RORA: variants seen among roughly 807,000 people sequenced by gnomAD.
RORA encodes the protein nuclear receptor ROR-alpha.
RORA carries 7 observed loss-of-function variants against 69.5 expected under a neutral mutation model. The observed-to-expected ratio is 0.10, with a 90% CI of 0.06 to 0.19. The LOEUF (loss-of-function observed/expected upper bound fraction) is 0.19. Ranked by LOEUF, RORA falls within the 10% of genes least tolerant of loss-of-function variation. The pLI is 1.00. For missense variants in RORA, 457 were observed against 663.0 expected (o/e 0.69, Z 3.41); for synonymous variants, 261 against 240.8 (o/e 1.08, Z -0.78).
intron 1 of RORA, among the ~76,000 whole-genome samples, chr15:60,819,767 A>ACACACACACACGCG (rs1555455764): frequency 0.091 from 13,436 of 147,562 alleles, 974 homozygotes; most frequent in Non-Finnish European, 0.14. Flanking sequence ...ACACACACAC[A>ACACACACACACGCG]CACACACACA....
intron 1 of RORA, among the ~76,000 whole-genome samples, chr15:61,107,935 T>C (rs1013496941): frequency 3.3e-5 from 5 of 152,094 alleles, no homozygotes; most frequent in African/African-American, 9.7e-5. Flanking sequence ...AAGTAGAAAA[T>C]TTTAATCAGT....
At chr15:60,839,178 G>A (rs142332785) in intron 1 of RORA, among the ~76,000 whole-genome samples, 2,219 of 152,208 alleles carry the variant, frequency 0.015, 70 homozygotes, top group African/African-American at 0.051. Context: ...GATTACAGGC[G>A]TGAGCCACCG....
intron 1 of RORA, among the ~76,000 whole-genome samples, chr15:60,726,708 C>T (rs578224622): frequency 3.3e-5 from 5 of 152,116 alleles, no homozygotes; most frequent in African/African-American, 1.2e-4. Context: ...GGTGGGTATG[C>T]GGGGAGACTA....
intron 1 of RORA, among the ~76,000 whole-genome samples, chr15:61,134,468 G>C (rs1439243256): frequency 6.6e-6 from 1 of 152,166 alleles, no homozygotes; most frequent in Non-Finnish European, 1.5e-5. Context: ...TGCAAGGCAG[G>C]AGCAAAGAAT....
At chr15:61,153,783 A>AGCTCC (rs1406088979) in intron 1 of RORA, among the ~76,000 whole-genome samples, 1 of 33,980 alleles carries the variant, frequency 2.9e-5, no homozygotes, top group African/African-American at 9.0e-5. Context: ...ATTGCTAAGA[A>AGCTCC]CCCTTCAATT....
At chr15:60,623,105 A>G (rs1449695523) in intron 2 of RORA, among the ~76,000 whole-genome samples, 1 of 152,134 alleles carries the variant, frequency 6.6e-6, no homozygotes, top group Admixed American at 6.5e-5. Flanking sequence ...GTCTTGCCTC[A>G]CTTATTCACT....
chr15:60,898,518 A>AATAC (rs1406619729), intron 1 of RORA, among the ~76,000 whole-genome samples: 1 of 148,064 alleles, frequency 6.8e-6, no homozygotes, highest in East Asian at 1.9e-4. Flanking sequence ...TAAATAAATA[A>AATAC]ATAAATAAAT....
intron 1 of RORA, among the ~76,000 whole-genome samples, chr15:60,830,805 A>C (rs1230195649): frequency 1.3e-5 from 2 of 152,238 alleles, no homozygotes; most frequent in Non-Finnish European, 2.9e-5. Flanking sequence ...GATGAGAAAC[A>C]CATGGCAAGT....
intron 2 of RORA, among the ~76,000 whole-genome samples, chr15:60,571,420 CT>C (rs1166169270): frequency 6.6e-6 from 1 of 152,088 alleles, no homozygotes; most frequent in Non-Finnish European, 1.5e-5. Context: ...AGTTTTTTCT[CT>C]TTTCTGTGAA....
intron 1 of RORA, among the ~76,000 whole-genome samples, chr15:60,857,900 C>T (rs1022810928): frequency 3.3e-5 from 5 of 152,140 alleles, no homozygotes; most frequent in African/African-American, 1.2e-4. Context: ...GAAAGTCAGG[C>T]CAAGAGAGGT....
rs578234754 is a variant in RORA, at chr15:60,955,418, T to C, written c.166+273635A>G. On this transcript the variant is annotated intron_variant, in intron 1 of 10. Transcript: ENST00000335670. Reference sequence around the variant, plus strand: ...GAAATATGATAATACATACAAAACATATAGTATATTTCATTATATAGTAAG... The same window carrying C: ...GAAATATGATAATACATACAAAACACATAGTATATTTCATTATATAGTAAG... 1.4e-4 allele frequency among the ~76,000 whole-genome samples: 21 copies of C among 152,338 alleles called. No homozygotes were observed. In the South Asian group the frequency reaches 4.3e-3, roughly 32 times the overall value.
chr15:60,511,765 GAA>G lies in RORA; in HGVS notation c.425-146_425-145del. 1.1e-6 allele frequency: 1 copy of G among 871,830 alleles called. No individual in the cohort carries two copies. The highest frequency in any genetic ancestry group is 1.7e-6 in the Non-Finnish European group (1 of 584,510). The allele number at this position is 871,830 out of a possible 1,614,324, so 54.0% of individuals were successfully genotyped here. On this transcript the variant is annotated intron_variant, in intron 4 of 10. Transcript: ENST00000335670. This position sits in a 1 kb window ranked among gnomAD's most constrained non-coding sequence, Gnocchi z 6.4. ...ACAAAATAAGGACATATTCAGAGGT[GAA>G]AACAGTTCCAACCCACACAGACTCG...
intron 2 of RORA, chr15:60,556,771 T>C: frequency 9.9e-7 from 1 of 1,009,390 alleles, no homozygotes; most frequent in Non-Finnish European, 1.5e-6. Context: ...GGAGGCTCCA[T>C]CTTTGATTCA....
chr15:60,713,575 TTCTCTCCTCC>T (rs1414283108), intron 1 of RORA, among the ~76,000 whole-genome samples: 1 of 152,178 alleles, frequency 6.6e-6, no homozygotes, highest in African/African-American at 2.4e-5. Context: ...CTCCTCACTT[TTCTCTCCTCC>T]TCAACCAAGT....
chr15:60,797,997 A>G (rs1205765211), intron 1 of RORA, among the ~76,000 whole-genome samples: 1 of 152,212 alleles, frequency 6.6e-6, no homozygotes, highest in African/African-American at 2.4e-5. Flanking sequence ...GCCTACAGCT[A>G]TGCCACAAGA....
chr15:61,120,950 C>A (rs1011088585), intron 1 of RORA, among the ~76,000 whole-genome samples: 3 of 151,384 alleles, frequency 2.0e-5, no homozygotes, highest in African/African-American at 4.9e-5. Context: ...CAGGTTCAAG[C>A]GATTCTCCTG....
chr15:60,794,983 A>C (rs1365429111), intron 1 of RORA, among the ~76,000 whole-genome samples: 1 of 152,196 alleles, frequency 6.6e-6, no homozygotes, highest in Non-Finnish European at 1.5e-5. Flanking sequence ...CCTGGACCTT[A>C]GTTGCTAAAA....
intron 1 of RORA, among the ~76,000 whole-genome samples, chr15:60,750,132 T>C (rs377183976): frequency 6.6e-6 from 1 of 152,258 alleles, no homozygotes; most frequent in Admixed American, 6.5e-5. Flanking sequence ...ATGGATACTA[T>C]TATCAGCTCC....
At position 60,878,733 on chromosome 15, in the gene RORA, C is replaced by G. The variant is rs563434078; in HGVS notation, c.167-200047G>C. ...GAAACAGCAGCTATTGGAAGCAATACTCCTGTAATGACCTACTGTGCTTAT... is the reference window on the plus strand; with the variant it reads ...GAAACAGCAGCTATTGGAAGCAATAGTCCTGTAATGACCTACTGTGCTTAT... On this transcript the variant is annotated intron_variant, in intron 1 of 10. Coordinates refer to ENST00000335670, the MANE Select transcript of RORA (RefSeq NM_134261.3). Among the ~76,000 whole-genome samples the G allele has an allele frequency of 3.3e-5, 5 of 152,344 alleles. No homozygotes were observed. In the South Asian group the frequency reaches 8.3e-4, roughly 25 times the overall value.
Sources: gnomAD v4.1 joint callset for allele counts (sites outside exome capture counted in the v4.1 genomes callset) on GRCh38, gnomAD v4.1.1 for gene constraint, Gnocchi (gnomAD v3.1) non-coding constraint, MANE v1.5 for transcripts, NCBI Gene and HGNC (gene_info 2026-07-23, HGNC 2026-07-21) for gene names.